The following TBC1D32 variants were observed in gnomAD, a reference collection of about 807,000 sequenced individuals.
The protein encoded by TBC1D32 is TBC1 domain family member 32.
Under a neutral mutation model 170.3 loss-of-function variants are expected in TBC1D32, and 151 were observed. That is an observed-to-expected ratio of 0.89 (90% CI 0.78 to 1.01). The LOEUF is 1.01. Ranked by LOEUF, TBC1D32 falls within the 50% of genes least tolerant of loss-of-function variation. TBC1D32 has a pLI of 0.00. For synonymous variants in TBC1D32, 498 were observed against 488.0 expected, an observed-to-expected ratio of 1.02 and a Z score of -0.27; for missense variants, 1,464 against 1,457.1, an observed-to-expected ratio of 1.00 and a Z score of -0.08.
chr6:121,239,137 C>T lies in TBC1D32; in HGVS notation c.2297G>A (p.Arg766Lys). Residue 766 changes from arginine (R) to lysine (K), a missense_variant, in exon 20 of 32, where the codon AGA becomes AAA. Transcript: ENST00000398212. ...TELWSNLEYG[R>K]DDVRVTHPRT... Reference sequence around the variant, plus strand: ...GGGATGGGTTACCCTAACATCATCTCTTCCATATTCCAGATTGGACCATAA... The same window carrying T: ...GGGATGGGTTACCCTAACATCATCTTTTCCATATTCCAGATTGGACCATAA... The T allele has an allele frequency of 6.2e-7, 1 of 1,605,570 alleles. No homozygotes were observed. Among genetic ancestry groups the T allele is most frequent in the East Asian group, 2.2e-5 (1 of 44,714 alleles).
chr6:121,242,154 T>TA, intron 18 of TBC1D32, 47 bp downstream of exon 18: 1 of 1,593,224 alleles, frequency 6.3e-7, no homozygotes, highest in South Asian at 1.1e-5. Flanking sequence ...TAATGGCTTT[T>TA]AAAACCACAA....
At chr6:121,252,143 A>T (rs1798378545) in intron 17 of TBC1D32, among the ~76,000 whole-genome samples, 1 of 152,202 alleles carries the variant, frequency 6.6e-6, no homozygotes, top group Non-Finnish European at 1.5e-5. Context: ...AATTAGTTCA[A>T]CCATTGTAGA....
chr6:121,137,801 C>T (rs1026268295), intron 24 of TBC1D32, among the ~76,000 whole-genome samples: 13 of 149,116 alleles, frequency 8.7e-5, no homozygotes, highest in African/African-American at 2.5e-4. Context: ...ACAGTAAGGT[C>T]GACATAAATA....
chr6:121,247,396 T>C (rs546724313), intron 17 of TBC1D32, among the ~76,000 whole-genome samples: 1 of 150,660 alleles, frequency 6.6e-6, no homozygotes, highest in African/African-American at 2.4e-5. Flanking sequence ...ACAGGGCTTA[T>C]AAAACATAAC....
chr6:121,214,098 T>G (rs1207859649), intron 21 of TBC1D32, among the ~76,000 whole-genome samples: 1 of 152,220 alleles, frequency 6.6e-6, no homozygotes, highest in Non-Finnish European at 1.5e-5. Flanking sequence ...AAATTGAAAC[T>G]GGACCCCTTT....
intron 30 of TBC1D32, among the ~76,000 whole-genome samples, chr6:121,096,624 A>C (rs1381716190): frequency 6.6e-6 from 1 of 152,166 alleles, no homozygotes; most frequent in Non-Finnish European, 1.5e-5. Context: ...ATACTGCCCA[A>C]AGTAATTTAT....
rs184308692 is a variant in TBC1D32, at chr6:121,092,642, T to A, written c.3466-1601A>T. On this transcript the variant is annotated intron_variant, in intron 30 of 31. Transcript: ENST00000398212. ...AAGATCAAGCTATTGGCAGGGCTGG[T>A]TTCTTCTGAAGCCTCTCTGAGGCTT... 5.8e-4 allele frequency among the ~76,000 whole-genome samples: 88 copies of A among 152,162 alleles called. 1 individual carries two copies. Among genetic ancestry groups the A allele is most frequent in the Middle Eastern group, 6.8e-3 (2 of 294 alleles).
chr6:121,312,969 T>C (rs1042580348), intron 3 of TBC1D32, among the ~76,000 whole-genome samples: 4 of 152,140 alleles, frequency 2.6e-5, no homozygotes, highest in African/African-American at 9.7e-5. Context: ...TTGCCTTGAA[T>C]TCCTTCCTGC....
At chr6:121,151,618 A>G (rs944403278) in intron 24 of TBC1D32, among the ~76,000 whole-genome samples, 3 of 152,146 alleles carry the variant, frequency 2.0e-5, no homozygotes, top group African/African-American at 7.2e-5. Context: ...GTCTCCCACT[A>G]TTATTGTGTG....
chr6:121,313,274 ATT>A (rs1164149264), intron 3 of TBC1D32, among the ~76,000 whole-genome samples: 14,091 of 125,362 alleles, frequency 0.11, 939 homozygotes, highest in Admixed American at 0.23. Context: ...CCTGGCCTTA[ATT>A]TTTTTTTTTT....
intron 11 of TBC1D32, among the ~76,000 whole-genome samples, chr6:121,293,920 A>C (rs888871320): frequency 6.6e-6 from 1 of 152,188 alleles, no homozygotes; most frequent in Non-Finnish European, 1.5e-5. Flanking sequence ...AAAAAAATAA[A>C]TAAATAAAAT....
intron 27 of TBC1D32, 84 bp from the exon 28 acceptor site, chr6:121,113,261 T>C (rs1779371084): frequency 1.3e-6 from 1 of 794,528 alleles, no homozygotes; most frequent in African/African-American, 1.8e-5. Flanking sequence ...ATAACTATGT[T>C]ATACAGAGCA....
intron 24 of TBC1D32, 112 bp from the exon 25 acceptor site, chr6:121,131,864 T>G: frequency 1.4e-6 from 1 of 722,728 alleles, no homozygotes; most frequent in Non-Finnish European, 2.1e-6. Context: ...CATATGGCTT[T>G]CAAAGGAAAA....
chr6:121,303,772 G>A lies in TBC1D32; in HGVS notation c.936-11C>T. 6.7e-7 allele frequency: 1 copy of A among 1,498,186 alleles called. No homozygotes were observed. The highest frequency in any genetic ancestry group is 9.0e-7 in the Non-Finnish European group (1 of 1,109,262). The allele number at this position is 1,498,186 out of a possible 1,614,324, so 92.8% of individuals were successfully genotyped here. A position where few individuals can be genotyped will look rare whatever the true frequency, so the allele number is the denominator to read the frequency against. The stretch of plus-strand genomic sequence containing the variant: ...ATTTCTTCCATATACCTTAAAGTTT[G>A]GGAAAAAAGAAATACAATTACACAT... On this transcript the variant is annotated splice_polypyrimidine_tract_variant and intron_variant, in intron 8 of 31. Coordinates refer to ENST00000398212, the MANE Select transcript of TBC1D32 (RefSeq NM_152730.6).
intron 24 of TBC1D32, among the ~76,000 whole-genome samples, chr6:121,133,194 T>C (rs539017192): frequency 6.4e-4 from 97 of 152,102 alleles, no homozygotes; most frequent in Non-Finnish European, 1.3e-3. Flanking sequence ...AACGTGATAC[T>C]TGAGAGGGTT....
Position 121,080,479 on chromosome 6 carries a change from G to T in TBC1D32, c.*292C>A. ...TCCGCCCACCTCAGACTCCCAAAGT[G>T]CTGGGATTACAGGCATGAGCCACCG... On this transcript the variant is annotated 3_prime_UTR_variant, in exon 32 of 32. Coordinates refer to ENST00000398212, the MANE Select transcript of TBC1D32 (RefSeq NM_152730.6). 2 of 256,490 alleles carry T rather than the reference G, an allele frequency of 7.8e-6. No homozygotes were observed. The highest frequency in any genetic ancestry group is 9.5e-5 in the South Asian group (2 of 21,126). The allele number at this position is 256,490 out of a possible 1,614,324, so 15.9% of individuals were successfully genotyped here.
intron 22 of TBC1D32, among the ~76,000 whole-genome samples, chr6:121,180,640 C>T (rs555090251): frequency 1.5e-4 from 23 of 152,162 alleles, no homozygotes; most frequent in Non-Finnish European, 2.9e-4. Context: ...TAGGAGAAAA[C>T]GCTGGGGAAA....
intron 2 of TBC1D32, among the ~76,000 whole-genome samples, chr6:121,319,726 G>A (rs997906636): frequency 6.6e-6 from 1 of 152,126 alleles, no homozygotes; most frequent in African/African-American, 2.4e-5. Context: ...CATAAATTGT[G>A]CTGTACGAAA....
intron 1 of TBC1D32, among the ~76,000 whole-genome samples, chr6:121,324,143 G>T (rs1162760365): frequency 1.3e-5 from 2 of 152,044 alleles, no homozygotes; most frequent in East Asian, 3.9e-4. Flanking sequence ...CATAATCCCA[G>T]AGTCCCAAAG....
Sources: allele counts gnomAD v4.1 joint callset (sites outside exome capture counted in the v4.1 genomes callset), GRCh38; gene constraint gnomAD v4.1.1; transcripts MANE v1.5; gene names NCBI Gene and HGNC (gene_info 2026-07-23, HGNC 2026-07-21).